RABGAP1L: variants seen among roughly 807,000 people sequenced by gnomAD.
RABGAP1L encodes rab GTPase-activating protein 1-like.
A neutral mutation model predicts 137.7 loss-of-function variants in RABGAP1L; 63 were observed. The observed-to-expected ratio is 0.46, with a 90% CI of 0.37 to 0.56. RABGAP1L has a LOEUF of 0.56. Ranked by LOEUF, RABGAP1L falls within the 20% of genes least tolerant of loss-of-function variation. RABGAP1L has a pLI of 0.00. For missense variants in RABGAP1L, 1,095 were observed against 1,244.0 expected (o/e 0.88, Z 1.80); for synonymous variants, 431 against 433.7 (o/e 0.99, Z 0.08).
chr1:174,762,613 C>T (rs984494083), intron 18 of RABGAP1L, among the ~76,000 whole-genome samples: 1 of 152,138 alleles, frequency 6.6e-6, no homozygotes, highest in African/African-American at 2.4e-5. Flanking sequence ...TAGTTAATCT[C>T]TATGTGGGGT....
chr1:174,905,851 AAAAAAG>A (rs948966542), intron 19 of RABGAP1L, among the ~76,000 whole-genome samples: 11 of 152,094 alleles, frequency 7.2e-5, no homozygotes, highest in East Asian at 3.9e-4. Flanking sequence ...ACTCTGTCTA[AAAAAAG>A]AAAAAGAAAA....
chr1:174,885,398 T>C (rs887756494), intron 19 of RABGAP1L, among the ~76,000 whole-genome samples: 9 of 152,230 alleles, frequency 5.9e-5, no homozygotes, highest in African/African-American at 9.6e-5. Context: ...ATTCTTTTAT[T>C]ATTTATGAAT....
intron 13 of RABGAP1L, among the ~76,000 whole-genome samples, chr1:174,565,249 A>C (rs1359183824): frequency 6.6e-6 from 1 of 152,146 alleles, no homozygotes. Flanking sequence ...TTCTAATCTA[A>C]CAGATGTCTT....
At chr1:174,442,056 GC>G (rs1571832401) in intron 13 of RABGAP1L, among the ~76,000 whole-genome samples, 1 of 151,832 alleles carries the variant, frequency 6.6e-6, no homozygotes, top group East Asian at 1.9e-4. Context: ...GATATTTTTT[GC>G]CATTTTCCTA....
intron 17 of RABGAP1L, among the ~76,000 whole-genome samples, chr1:174,735,798 G>T (rs1682894948): frequency 6.6e-6 from 1 of 151,922 alleles, no homozygotes; most frequent in Non-Finnish European, 1.5e-5. Context: ...ATATTATATG[G>T]CAAGGGAATG....
chr1:174,702,623 G>A (rs892861625), intron 17 of RABGAP1L, among the ~76,000 whole-genome samples: 8 of 152,010 alleles, frequency 5.3e-5, no homozygotes, highest in Non-Finnish European at 7.4e-5. Flanking sequence ...CTGCAAGAGT[G>A]AATATAAATG....
At chr1:174,356,500 A>G (rs1317515151) in intron 11 of RABGAP1L, among the ~76,000 whole-genome samples, 2 of 152,156 alleles carry the variant, frequency 1.3e-5, no homozygotes, top group African/African-American at 2.4e-5. Context: ...TATTTCTTTT[A>G]TAATGTCAAT....
At chr1:174,958,115 G>A in intron 20 of RABGAP1L, 1 of 1,505,100 alleles carries the variant, frequency 6.6e-7, no homozygotes, top group South Asian at 1.2e-5. Context: ...ACTTGCCTCT[G>A]TCTGTAGAAA....
At chr1:174,786,310 T>C (rs1687442736) in intron 18 of RABGAP1L, among the ~76,000 whole-genome samples, 1 of 152,258 alleles carries the variant, frequency 6.6e-6, no homozygotes, top group South Asian at 2.1e-4. Flanking sequence ...TTGGGAACTT[T>C]AATGATTGGA....
At chr1:174,162,856 TATGTATAC>T (rs200200804) in intron 1 of RABGAP1L, among the ~76,000 whole-genome samples, 1,513 of 130,716 alleles carry the variant, frequency 0.012, 104 homozygotes, top group Admixed American at 0.11. Flanking sequence ...GTTAGTTACA[TATGTATAC>T]ATGTGCCATG....
In RABGAP1L at chr1:174,387,886, A is replaced by T. The variant is rs548373247; in HGVS notation, c.1560-6109A>T. ...ACTTGTTGGATTTTTTACAATTCAA[A>T]TTTTTTTTATTTGGGCCATTATTAT... On this transcript the variant is annotated intron_variant, in intron 12 of 25. Coordinates refer to ENST00000681986, the MANE Select transcript of RABGAP1L (RefSeq NM_001366446.1). 3.9e-5 allele frequency among the ~76,000 whole-genome samples: 6 copies of T among 152,056 alleles called. No homozygotes were observed. In the South Asian group the frequency reaches 6.2e-4, roughly 16 times the overall value.
At chr1:174,960,685 C>T (rs2149348654) in intron 20 of RABGAP1L, among the ~76,000 whole-genome samples, 1 of 152,044 alleles carries the variant, frequency 6.6e-6, no homozygotes, top group South Asian at 2.1e-4. Flanking sequence ...ATTTAGCCTA[C>T]CCTTTTCCTT....
intron 15 of RABGAP1L, among the ~76,000 whole-genome samples, chr1:174,686,474 A>G (rs1678465976): frequency 6.6e-6 from 1 of 151,932 alleles, no homozygotes; most frequent in African/African-American, 2.4e-5. Flanking sequence ...AACCCACTAG[A>G]ATCTAGAATA....
intron 13 of RABGAP1L, among the ~76,000 whole-genome samples, chr1:174,605,888 T>C (rs1670756455): frequency 6.6e-6 from 1 of 152,212 alleles, no homozygotes; most frequent in African/African-American, 2.4e-5. Flanking sequence ...TTTGGGGGCA[T>C]TGTCCTCATA....
chr1:174,636,886 A>G lies in RABGAP1L; in HGVS notation c.1711-489A>G, dbSNP rs1471228138. Among the ~76,000 whole-genome samples, 5 of 152,198 alleles carry G rather than the reference A, an allele frequency of 3.3e-5. No individual in the cohort carries two copies. In the East Asian group the frequency reaches 9.6e-4, roughly 29 times the overall value. On this transcript the variant is annotated intron_variant, in intron 13 of 25. Transcript: ENST00000681986. ...CCATGTATAAAATATTCCTTATGAT[A>G]TTGTTTGTTATATAAATAGAAAAAA...
intron 13 of RABGAP1L, among the ~76,000 whole-genome samples, chr1:174,480,704 A>C (rs556879703): frequency 1.3e-5 from 2 of 152,230 alleles, no homozygotes; most frequent in African/African-American, 4.8e-5. Flanking sequence ...TGTGAGAAGG[A>C]TATCTATCAC....
At chr1:174,588,017 C>T (rs1333388652) in intron 13 of RABGAP1L, among the ~76,000 whole-genome samples, 1 of 152,018 alleles carries the variant, frequency 6.6e-6, no homozygotes, top group Non-Finnish European at 1.5e-5. Context: ...GCGTGCACAA[C>T]CAGGCTTGGC....
chr1:174,274,326 G>A (rs924224465), intron 8 of RABGAP1L, among the ~76,000 whole-genome samples: 14 of 151,976 alleles, frequency 9.2e-5, no homozygotes, highest in African/African-American at 3.1e-4. Context: ...GAAAATTTCC[G>A]TGAATGATGG....
intron 12 of RABGAP1L, among the ~76,000 whole-genome samples, chr1:174,377,471 CAAA>C (rs1486619762): frequency 1.3e-5 from 2 of 152,018 alleles, no homozygotes; most frequent in African/African-American, 2.4e-5. Flanking sequence ...CTACAGTAGT[CAAA>C]AGAGTATTGA....
Sources: allele counts gnomAD v4.1 joint callset (sites outside exome capture counted in the v4.1 genomes callset), GRCh38; gene constraint gnomAD v4.1.1; transcripts MANE v1.5; gene names NCBI Gene and HGNC (gene_info 2026-07-23, HGNC 2026-07-21).